The following SMG9 variants were observed in gnomAD, a reference collection of about 807,000 sequenced individuals.
SMG9 encodes nonsense-mediated mRNA decay factor SMG9.
A neutral mutation model predicts 64.0 loss-of-function variants in SMG9; 55 were observed. The ratio of observed to expected loss-of-function variants is 0.86; its 90% CI spans 0.69 to 1.08. The LOEUF (loss-of-function observed/expected upper bound fraction) is 1.08. SMG9 is among the 50% of genes least tolerant of loss of function. SMG9 has a pLI of 0.00. For missense variants in SMG9, 554 were observed against 681.3 expected (o/e 0.81, Z 2.08); for synonymous variants, 244 against 254.8 (o/e 0.96, Z 0.41).
rs1968709840 is a variant in SMG9 at position 43,737,577 on chromosome 19, C to G, written c.995+20G>C. The G allele has an allele frequency of 6.2e-7, 1 of 1,608,532 alleles. No homozygotes were observed. The highest frequency in any genetic ancestry group is 1.3e-5 in the African/African-American group (1 of 74,968). ...CTGCCTCATTCCTCCTCCCCACCCT[C>G]CAACCCCTCAGCTCCTCACCTGTAG... On this transcript the variant is annotated intron_variant, in intron 9 of 13. Coordinates refer to ENST00000270066, the MANE Select transcript of SMG9 (RefSeq NM_019108.4).
In SMG9 at chr19:43,733,748, AGACGGGCCCT is replaced by A. The variant is rs776974731; in HGVS notation, c.1103-25_1103-16del. The A allele has an allele frequency of 6.2e-7, 1 of 1,607,972 alleles. No individual in the cohort carries two copies. The highest frequency in any genetic ancestry group is 1.3e-5 in the African/African-American group (1 of 74,920). ...CTGCAAGAAGACTGAGGGTGGGAAG[AGACGGGCCCT>A]GTCAGGCAGACATCGCTTGGCTTCA... is the stretch of plus-strand genomic sequence containing the variant. On this transcript the variant is annotated splice_polypyrimidine_tract_variant and intron_variant, in intron 10 of 13. Coordinates refer to ENST00000270066, the MANE Select transcript of SMG9 (RefSeq NM_019108.4).
chr19:43,737,788 T>G, intron 8 of SMG9, 106 bp from the exon 9 acceptor site: 1 of 1,061,912 alleles, frequency 9.4e-7, no homozygotes, highest in Non-Finnish European at 1.4e-6. Flanking sequence ...GCAAGGAGCC[T>G]TCAAGCAGCT....
At chr19:43,738,013 C>T (rs1968729643) in intron 8 of SMG9, 109 bp downstream of exon 8, 3 of 1,079,468 alleles carry the variant, frequency 2.8e-6, no homozygotes, top group African/African-American at 3.1e-5. Context: ...AGCCAGGGCT[C>T]TTCTGAAGCA....
rs1968462987 is a variant in SMG9, at chr19:43,730,941, G to C, written c.*655C>G. The C allele has an allele frequency of 5.8e-6, 1 of 171,888 alleles. No individual in the cohort carries two copies. 10.6% of individuals were successfully genotyped at this position (171,888 alleles called of 1,614,324 possible). A position where few individuals can be genotyped will look rare whatever the true frequency, so the allele number is the denominator to read the frequency against. The stretch of plus-strand genomic sequence containing the variant: ...TTTAAGTGAGAGCAGAAGACACGAG[G>C]GTAGTTGCTGTACTCAGCTGCACCA... On this transcript the variant is annotated 3_prime_UTR_variant, in exon 14 of 14. Transcript: ENST00000270066.
intron 1 of SMG9, among the ~76,000 whole-genome samples, chr19:43,753,086 C>T (rs1445801555): frequency 6.6e-6 from 1 of 151,928 alleles, no homozygotes; most frequent in African/African-American, 2.4e-5. Context: ...CATAATTTTG[C>T]TAGCCAGACA....
At chr19:43,743,513 C>T (rs184673851) in intron 6 of SMG9, among the ~76,000 whole-genome samples, 7 of 152,230 alleles carry the variant, frequency 4.6e-5, no homozygotes, top group African/African-American at 7.2e-5. Context: ...ATTCTGCATA[C>T]GGCCAACGGT....
chr19:43,752,412 T>C (rs569461563), intron 1 of SMG9, among the ~76,000 whole-genome samples: 3 of 152,370 alleles, frequency 2.0e-5, no homozygotes, highest in Admixed American at 6.5e-5. Context: ...AGAAGTCAGG[T>C]TGACAAAGTG....
chr19:43,743,117 C>T (rs780155251), intron 6 of SMG9, among the ~76,000 whole-genome samples: 1 of 151,838 alleles, frequency 6.6e-6, no homozygotes, highest in Non-Finnish European at 1.5e-5. Flanking sequence ...AAACCTAGAC[C>T]TGATGAAAAG....
chr19:43,736,138 G>T (rs1234316122), intron 9 of SMG9, among the ~76,000 whole-genome samples: 1 of 152,186 alleles, frequency 6.6e-6, no homozygotes, highest in Non-Finnish European at 1.5e-5. Context: ...CCTGTCCCCA[G>T]GGTTACTAAT....
At chr19:43,734,041 G>T (rs1261208845) in intron 10 of SMG9, 1 of 534,792 alleles carries the variant, frequency 1.9e-6, no homozygotes, top group Admixed American at 3.3e-5. Flanking sequence ...ATGTGCAAAG[G>T]CTAGAGGAGG....
At chr19:43,754,602 G>A (rs917259236) in intron 1 of SMG9, 52 bp downstream of exon 1, 43 of 152,080 alleles carry the variant, frequency 2.8e-4, no homozygotes, top group African/African-American at 9.9e-4. Flanking sequence ...CTGCCGGAGC[G>A]CCCCGCCCGC....
At position 43,731,325 on chromosome 19, in the gene SMG9, C is replaced by T; in HGVS notation, c.*271G>A. ...GGGCTTCCTGGTGACCATTCAGACT[C>T]CTCCCACTGCTTGTCCCTGTGGAGG... On this transcript the variant is annotated 3_prime_UTR_variant, in exon 14 of 14. Transcript: ENST00000270066. The T allele has an allele frequency of 1.6e-6, 2 of 1,252,314 alleles. No homozygotes were observed. The highest frequency in any genetic ancestry group is 1.0e-6 in the Non-Finnish European group (1 of 993,350). The allele number at this position is 1,252,314 out of a possible 1,614,324, so 77.6% of individuals were successfully genotyped here. A position where few individuals can be genotyped will look rare whatever the true frequency, so the allele number is the denominator to read the frequency against.
Position 43,731,684 on chromosome 19 carries a change from G to A in SMG9, c.1485-10C>T. On this transcript the variant is annotated splice_polypyrimidine_tract_variant and intron_variant, in intron 13 of 13. Coordinates refer to ENST00000270066, the MANE Select transcript of SMG9 (RefSeq NM_019108.4). ...GGCAGCGTAGTGGAACCTGTGAGGA[G>A]GCCAACAGTCAGGGCTGCCTGGCCG... The A allele has an allele frequency of 6.2e-7, 1 of 1,614,200 alleles. No homozygotes were observed. The highest frequency in any genetic ancestry group is 8.5e-7 in the Non-Finnish European group (1 of 1,180,028).
At chr19:43,739,470 G>C (rs760689770) in intron 7 of SMG9, among the ~76,000 whole-genome samples, 9 of 152,196 alleles carry the variant, frequency 5.9e-5, no homozygotes, top group Admixed American at 2.0e-4. Flanking sequence ...CCAGAGAAGA[G>C]AGAGATCAGT....
chr19:43,739,442 A>C (rs886082865), intron 7 of SMG9, among the ~76,000 whole-genome samples: 3 of 152,210 alleles, frequency 2.0e-5, no homozygotes. Context: ...TTTCAGGTAA[A>C]AACGGGATAT....
At chr19:43,749,847 C>T (rs1969139705) in intron 2 of SMG9, among the ~76,000 whole-genome samples, 1 of 152,208 alleles carries the variant, frequency 6.6e-6, no homozygotes, top group African/African-American at 2.4e-5. Context: ...TAAGCTGGAC[C>T]TGGATCTGAG....
At chr19:43,736,040 A>G (rs866282273) in intron 9 of SMG9, among the ~76,000 whole-genome samples, 9 of 152,336 alleles carry the variant, frequency 5.9e-5, no homozygotes, top group Admixed American at 2.0e-4. Context: ...TTTCAGAATG[A>G]AGTCACAGCT....
chr19:43,730,921 G>T lies in SMG9; in HGVS notation c.*675C>A, dbSNP rs774635770. On this transcript the variant is annotated 3_prime_UTR_variant, in exon 14 of 14. Coordinates refer to ENST00000270066, the MANE Select transcript of SMG9 (RefSeq NM_019108.4). ...CCCAAAGGCAGGTAACTGTCTTTAA[G>T]TGAGAGCAGAAGACACGAGGGTAGT... 1 of 162,186 alleles carries T rather than the reference G, an allele frequency of 6.2e-6. No homozygotes were observed. Among genetic ancestry groups the T allele is most frequent in the Non-Finnish European group, 1.3e-5 (1 of 77,038 alleles). 10.0% of individuals were successfully genotyped at this position (162,186 alleles called of 1,614,324 possible).
chr19:43,750,139 G>A (rs1423676534), intron 2 of SMG9: 1 of 521,250 alleles, frequency 1.9e-6, no homozygotes, highest in South Asian at 1.4e-5. Context: ...ATTTCACTCA[G>A]TGAAATACAA....
Sources: gnomAD v4.1 joint callset for allele counts (sites outside exome capture counted in the v4.1 genomes callset) on GRCh38, gnomAD v4.1.1 for gene constraint, MANE v1.5 for transcripts, NCBI Gene and HGNC (gene_info 2026-07-23, HGNC 2026-07-21) for gene names.